The following GRID2IP variants were observed in gnomAD, a reference collection of about 807,000 sequenced individuals.
The protein encoded by GRID2IP is delphilin.
A neutral mutation model predicts 114.3 loss-of-function variants in GRID2IP; 78 were observed. The observed-to-expected ratio is 0.68, with a 90% CI of 0.57 to 0.82. The LOEUF (loss-of-function observed/expected upper bound fraction) is 0.82. Ranked by LOEUF, GRID2IP falls within the 40% of genes least tolerant of loss-of-function variation. The pLI, the probability that GRID2IP is intolerant of heterozygous loss-of-function variation, is 0.00. For synonymous variants in GRID2IP, 809 were observed against 724.0 expected, an observed-to-expected ratio of 1.12 and a Z score of -1.89; for missense variants, 1,727 against 1,678.5, an observed-to-expected ratio of 1.03 and a Z score of -0.51.
At chr7:6,545,282 A>C (rs972672210) in intron 1 of GRID2IP, among the ~76,000 whole-genome samples, 1 of 152,066 alleles carries the variant, frequency 6.6e-6, no homozygotes, top group Non-Finnish European at 1.5e-5. Flanking sequence ...CTGTCTCCAT[A>C]AATAAATAAA....
intron 4 of GRID2IP, among the ~76,000 whole-genome samples, chr7:6,525,736 A>T (rs894781590): frequency 6.6e-6 from 1 of 152,188 alleles, no homozygotes; most frequent in Non-Finnish European, 1.5e-5. Flanking sequence ...CAGGTGTTAG[A>T]CAGCAGGCAG....
chr7:6,529,737 G>A (rs539805683), intron 2 of GRID2IP, among the ~76,000 whole-genome samples: 24 of 152,112 alleles, frequency 1.6e-4, no homozygotes, highest in Non-Finnish European at 3.5e-4. Context: ...TCCCCCCTGA[G>A]TGGCAGTCCA....
At chr7:6,537,758 G>A (rs1052594574) in intron 2 of GRID2IP, among the ~76,000 whole-genome samples, 4 of 151,846 alleles carry the variant, frequency 2.6e-5, no homozygotes, top group Non-Finnish European at 1.5e-5. Context: ...GCTGAGGCAG[G>A]AGAATCACTT....
intron 7 of GRID2IP, 57 bp from the exon 8 acceptor site, chr7:6,514,586 A>ATCAT: frequency 1.4e-6 from 2 of 1,408,228 alleles, no homozygotes; most frequent in Non-Finnish European, 1.9e-6. Context: ...CATGATGCAC[A>ATCAT]GAGTGGGGGT....
At chr7:6,530,319 A>G (rs545601515) in intron 2 of GRID2IP, among the ~76,000 whole-genome samples, 1 of 149,732 alleles carries the variant, frequency 6.7e-6, no homozygotes, top group Admixed American at 6.7e-5. Context: ...GATGGAGTGC[A>G]GGGGTACACT....
At position 6,510,617 on chromosome 7, in the gene GRID2IP, G is replaced by A. The variant is rs1174137185; in HGVS notation, c.1645C>T (p.Pro549Ser). The A allele has an allele frequency of 6.5e-6, 10 of 1,536,544 alleles. No homozygotes were observed. Among genetic ancestry groups the A allele is most frequent in the Non-Finnish European group, 8.8e-6 (10 of 1,141,830 alleles). The part of the protein sequence containing the change: ...DGTSLPETPN[P>S]KMMSAVYAEL... The stretch of plus-strand genomic sequence containing the variant: ...GGCAGAGAAGGTCTCACCATCTTGG[G>A]GTTGGGGGTCTCAGGGAGGGACGTG... Residue 549 changes from proline to serine, a missense_variant, in exon 10 of 22, where the codon CCC becomes TCC. By Grantham distance (74) the Pro-to-Ser change is moderately conservative (BLOSUM62 -1). Transcript: ENST00000457091.
rs1282897271 is a variant in GRID2IP, at chr7:6,532,042, A to G, written c.585-5273T>C. ...TGCCAGGAGAGAAGAGGGGAGGAACATTAAAGGGGAGGAGAGGGAGGCCAC... is the reference window on the plus strand; with the variant it reads ...TGCCAGGAGAGAAGAGGGGAGGAACGTTAAAGGGGAGGAGAGGGAGGCCAC... On this transcript the variant is annotated intron_variant, in intron 2 of 21. Transcript: ENST00000457091. This position sits in a 1 kb window ranked among gnomAD's most constrained non-coding sequence, Gnocchi z 4.4. Among the ~76,000 whole-genome samples the G allele has an allele frequency of 1.3e-5, 2 of 152,142 alleles. No homozygotes were observed. Among genetic ancestry groups the G allele is most frequent in the Non-Finnish European group, 2.9e-5 (2 of 68,004 alleles).
rs962767507 is a variant in GRID2IP, at chr7:6,514,469, G to A, written c.1329C>T (p.Val443=). Residue 443 remains valine (V), a synonymous_variant, in exon 8 of 22, where the codon GTC becomes GTT. Transcript: ENST00000457091. The part of the protein sequence containing the change: ...YPVLDTPAKQ[V]LWQFIYQLLT... ...GCAGCTGGTAGATGAACTGCCACAG[G>A]ACCTGCTTGGCAGGGGTGTCCAGCA... 2 of 1,549,396 alleles carry A rather than the reference G, an allele frequency of 1.3e-6. No individual in the cohort carries two copies. The highest frequency in any genetic ancestry group is 2.7e-5 in the African/African-American group (2 of 73,002).
At chr7:6,525,085 A>G (rs1583346347) in intron 4 of GRID2IP, among the ~76,000 whole-genome samples, 1 of 151,920 alleles carries the variant, frequency 6.6e-6, no homozygotes, top group African/African-American at 2.4e-5. Context: ...CGGGTGGATC[A>G]CCCGAGGCCA....
At position 6,508,425 on chromosome 7, in the gene GRID2IP, G is replaced by A; in HGVS notation, c.2128-24C>T. The stretch of plus-strand genomic sequence containing the variant: ...ATCTGGTGGTGGGGAGAGAGGCAAG[G>A]GGAGGGTGAGGCTGGGCCCAGAGAG... On this transcript the variant is annotated intron_variant, in intron 12 of 21. Transcript: ENST00000457091. This position sits in a 1 kb window ranked among gnomAD's most constrained non-coding sequence, Gnocchi z 5.6. 6.4e-7 allele frequency: 1 copy of A among 1,550,694 alleles called. No homozygotes were observed. The highest frequency in any genetic ancestry group is 1.2e-5 in the South Asian group (1 of 84,042).
chr7:6,497,181 T>C lies in GRID2IP; in HGVS notation c.*593A>G, dbSNP rs1053981671. On this transcript the variant is annotated 3_prime_UTR_variant, in exon 22 of 22. Coordinates refer to ENST00000457091, the MANE Select transcript of GRID2IP (RefSeq NM_001145118.2). ...TTGGGTTTGTCCACTGCATGAAACC[T>C]CAATTCCGCAGTCTGACATAGGGGG... Among the ~76,000 whole-genome samples, 7 of 152,322 alleles carry C rather than the reference T, an allele frequency of 4.6e-5. No homozygotes were observed. In the South Asian group the frequency reaches 1.4e-3, roughly 32 times the overall value.
In GRID2IP at chr7:6,502,778, C is replaced by T; in HGVS notation, c.3150+8G>A. 1 of 1,548,390 alleles carries T rather than the reference C, an allele frequency of 6.5e-7. No individual in the cohort carries two copies. The highest frequency in any genetic ancestry group is 2.4e-5 in the East Asian group (1 of 40,910). On this transcript the variant is annotated splice_region_variant and intron_variant, in intron 18 of 21. Coordinates refer to ENST00000457091, the MANE Select transcript of GRID2IP (RefSeq NM_001145118.2). ...AACCAGTCGATTGCTGCCGGCAGGT[C>T]CCCTCACCTCTGTCAGAAAGTTGAT...
chr7:6,535,733 A>G (rs372807448), intron 2 of GRID2IP, among the ~76,000 whole-genome samples: 72 of 151,524 alleles, frequency 4.8e-4, no homozygotes, highest in Non-Finnish European at 7.2e-4. Flanking sequence ...TCTCTCCTCA[A>G]TGTGGGGTCT....
In GRID2IP at chr7:6,523,595, G is replaced by T. The variant is rs1309971596; in HGVS notation, c.920-1638C>A. ...TTTTTTTTTCTTTTTTTGAGACAGG[G>T]TCTTGCTCTGTCACCCAGGCTGGAG... is the stretch of plus-strand genomic sequence containing the variant. On this transcript the variant is annotated intron_variant, in intron 4 of 21. Coordinates refer to ENST00000457091, the MANE Select transcript of GRID2IP (RefSeq NM_001145118.2). This position sits in a 1 kb window ranked among gnomAD's most constrained non-coding sequence, Gnocchi z 4.5. 6.6e-6 allele frequency among the ~76,000 whole-genome samples: 1 copy of T among 152,020 alleles called. No individual in the cohort carries two copies. The highest frequency in any genetic ancestry group is 1.5e-5 in the Non-Finnish European group (1 of 68,008).
chr7:6,511,156 G>C, intron 8 of GRID2IP, 117 bp from the exon 9 acceptor site: 1 of 1,251,006 alleles, frequency 8.0e-7, no homozygotes, highest in Non-Finnish European at 1.0e-6. Flanking sequence ...CCCAAGCTAC[G>C]GGGCCTGCCC....
Position 6,506,471 on chromosome 7 carries a change from T to A in GRID2IP, c.2545-564A>T, listed in dbSNP as rs1169526105. 6.6e-6 allele frequency among the ~76,000 whole-genome samples: 1 copy of A among 152,076 alleles called. No individual in the cohort carries two copies. The highest frequency in any genetic ancestry group is 1.9e-4 in the East Asian group (1 of 5,184). On this transcript the variant is annotated intron_variant, in intron 13 of 21. Transcript: ENST00000457091. The surrounding 1 kb of genome is among the most constrained non-coding windows in gnomAD (Gnocchi z 5.2). ...CCCAAAGGGAGGGCAGGCAGGGGAATGAAGTCTTAGAACATGGCTGCAGGG... is the reference window on the plus strand; with the variant it reads ...CCCAAAGGGAGGGCAGGCAGGGGAAAGAAGTCTTAGAACATGGCTGCAGGG...
chr7:6,531,196 T>C (rs974559704), intron 2 of GRID2IP: 3 of 457,488 alleles, frequency 6.6e-6, no homozygotes, highest in African/African-American at 6.1e-5. Context: ...CACGCACCTC[T>C]GCCCTGCGAG....
At chr7:6,539,912 G>T in intron 1 of GRID2IP, 40 bp from the exon 2 acceptor site, 1 of 1,525,050 alleles carries the variant, frequency 6.6e-7, no homozygotes, top group Non-Finnish European at 8.9e-7. Context: ...AAGGGATCCA[G>T]AGTGGAACCC....
chr7:6,548,345 G>C (rs781051372), intron 1 of GRID2IP, among the ~76,000 whole-genome samples: 12 of 151,790 alleles, frequency 7.9e-5, no homozygotes, highest in Non-Finnish European at 1.8e-4. Flanking sequence ...GCGAGACTCT[G>C]GCTCCAAAAA....
Sources: allele counts gnomAD v4.1 joint callset (sites outside exome capture counted in the v4.1 genomes callset), GRCh38; gene constraint gnomAD v4.1.1; non-coding constraint Gnocchi (gnomAD v3.1); transcripts MANE v1.5; gene names NCBI Gene and HGNC (gene_info 2026-07-23, HGNC 2026-07-21).